SPATS2: variants seen among roughly 807,000 people sequenced by gnomAD.
SPATS2 encodes spermatogenesis associated serine rich 2.
Under a neutral mutation model 63.7 loss-of-function variants are expected in SPATS2, and 38 were observed. The observed-to-expected ratio is 0.60, with a 90% CI of 0.46 to 0.78. The LOEUF is 0.78. Ranked by LOEUF, SPATS2 falls within the 30% of genes least tolerant of loss-of-function variation. The pLI is 0.00. For missense variants in SPATS2, 588 were observed against 666.2 expected (o/e 0.88, Z 1.29); for synonymous variants, 207 against 232.9 (o/e 0.89, Z 1.01).
chr12:49,486,767 C>T (rs1304208255), intron 4 of SPATS2, among the ~76,000 whole-genome samples: 4 of 143,310 alleles, frequency 2.8e-5, no homozygotes, highest in Admixed American at 1.4e-4. Flanking sequence ...GGCGACAGAG[C>T]GAGACTCCGT....
chr12:49,380,167 C>CTTT (rs1307437668), intron 2 of SPATS2, among the ~76,000 whole-genome samples: 6 of 136,524 alleles, frequency 4.4e-5, no homozygotes, highest in African/African-American at 5.4e-5. Context: ...TCCTCTCTCT[C>CTTT]TTTTTTTTTT....
chr12:49,496,392 C>A (rs1294959585), intron 7 of SPATS2, among the ~76,000 whole-genome samples: 3 of 152,198 alleles, frequency 2.0e-5, no homozygotes, highest in Non-Finnish European at 4.4e-5. Flanking sequence ...GGATTACTGG[C>A]GTGAGCCACT....
intron 2 of SPATS2, among the ~76,000 whole-genome samples, chr12:49,389,307 C>T (rs1250011866): frequency 6.6e-6 from 1 of 152,142 alleles, no homozygotes; most frequent in Admixed American, 6.5e-5. Context: ...AGAGGTGTCT[C>T]CCCCGCCGGT....
Position 49,458,411 on chromosome 12 carries a change from C to T in SPATS2, c.-243-2359C>T, listed in dbSNP as rs376918929. On this transcript the variant is annotated intron_variant, in intron 2 of 13. Coordinates refer to ENST00000552918, the MANE Select transcript of SPATS2 (RefSeq NM_023071.4). The stretch of plus-strand genomic sequence containing the variant: ...TGAACCCAGGAGGCAAAGGTTGCAG[C>T]GAGCCAAGATCGCGCCATTGCACTC... 4.7e-4 allele frequency among the ~76,000 whole-genome samples: 72 copies of T among 151,888 alleles called. No individual in the cohort carries two copies. In the South Asian group the frequency reaches 0.012, roughly 26 times the overall value.
chr12:49,409,430 C>T (rs753589227), intron 2 of SPATS2, among the ~76,000 whole-genome samples: 4 of 151,752 alleles, frequency 2.6e-5, no homozygotes, highest in Admixed American at 6.6e-5. Flanking sequence ...TTCAGCCTCC[C>T]GAGTAGTTGG....
At chr12:49,427,643 T>C (rs1038498028) in intron 2 of SPATS2, among the ~76,000 whole-genome samples, 2 of 152,224 alleles carry the variant, frequency 1.3e-5, no homozygotes, top group African/African-American at 4.8e-5. Context: ...CTTTCTGTTA[T>C]GAGAGAATTT....
At chr12:49,409,764 G>C (rs1402871452) in intron 2 of SPATS2, among the ~76,000 whole-genome samples, 1 of 151,556 alleles carries the variant, frequency 6.6e-6, no homozygotes. Context: ...CATGACACCC[G>C]GCTAATTTTT....
At chr12:49,433,397 A>G (rs1945220093) in intron 2 of SPATS2, among the ~76,000 whole-genome samples, 1 of 152,208 alleles carries the variant, frequency 6.6e-6, no homozygotes, top group Non-Finnish European at 1.5e-5. Flanking sequence ...TCCTGACCTC[A>G]AGTGATCTGC....
chr12:49,461,171 C>A, intron 3 of SPATS2, 134 bp downstream of exon 3: 1 of 894,766 alleles, frequency 1.1e-6, no homozygotes, highest in Non-Finnish European at 1.7e-6. Context: ...TAGATTATCG[C>A]TTTGTGTATT....
chr12:49,407,566 C>T (rs1026603981), intron 2 of SPATS2, among the ~76,000 whole-genome samples: 2 of 152,128 alleles, frequency 1.3e-5, no homozygotes, highest in Non-Finnish European at 2.9e-5. Flanking sequence ...AATGCTTTTC[C>T]TATGCAGGTA....
chr12:49,467,035 T>C (rs1398529051), intron 3 of SPATS2, among the ~76,000 whole-genome samples: 2 of 149,356 alleles, frequency 1.3e-5, no homozygotes. Flanking sequence ...GTTAAATAAT[T>C]TGTTCTTTGT....
intron 2 of SPATS2, among the ~76,000 whole-genome samples, chr12:49,427,392 TACAG>T (rs1450373263): frequency 1.3e-5 from 2 of 152,220 alleles, no homozygotes; most frequent in Non-Finnish European, 2.9e-5. Context: ...TTTGCAGCAG[TACAG>T]ACATTTAGTG....
chr12:49,425,139 G>C (rs1313254137), intron 2 of SPATS2, among the ~76,000 whole-genome samples: 2 of 152,050 alleles, frequency 1.3e-5, no homozygotes, highest in African/African-American at 4.8e-5. Context: ...TTTAAGCAGA[G>C]TGAGAACTCT....
chr12:49,517,093 C>T (rs1946863605), intron 10 of SPATS2, among the ~76,000 whole-genome samples: 1 of 152,156 alleles, frequency 6.6e-6, no homozygotes, highest in Non-Finnish European at 1.5e-5. Flanking sequence ...TTTTTATTCA[C>T]CTCATTTTTG....
At chr12:49,437,897 T>A (rs556826598) in intron 2 of SPATS2, among the ~76,000 whole-genome samples, 1 of 152,194 alleles carries the variant, frequency 6.6e-6, no homozygotes, top group Admixed American at 6.5e-5. Flanking sequence ...TGGTTTCTTA[T>A]GTACAAATGA....
chr12:49,428,810 T>G (rs1431243801), intron 2 of SPATS2, among the ~76,000 whole-genome samples: 1 of 152,210 alleles, frequency 6.6e-6, no homozygotes, highest in Non-Finnish European at 1.5e-5. Flanking sequence ...CCTAATTGCC[T>G]GGTTTTGTTT....
chr12:49,514,579 G>T lies in SPATS2; in HGVS notation c.864G>T (p.Leu288Phe). The change falls in exon 10 of 14, where the codon TTG (leucine) becomes TTT (phenylalanine). Residue 288 changes from leucine to phenylalanine, a missense_variant. Transcript: ENST00000552918. ...ESCLMDREVALLAEMDKVKAE... is the reference protein window; with the variant it reads ...ESCLMDREVAFLAEMDKVKAE... Reference sequence around the variant, plus strand: ...GTTTAATGGATCGAGAAGTGGCGTTGCTTGCTGAAATGGACAAAGTGAAAG... The same window carrying T: ...GTTTAATGGATCGAGAAGTGGCGTTTCTTGCTGAAATGGACAAAGTGAAAG... The T allele has an allele frequency of 1.9e-6, 3 of 1,613,302 alleles. No individual in the cohort carries two copies. Among genetic ancestry groups the T allele is most frequent in the Non-Finnish European group, 2.5e-6 (3 of 1,179,650 alleles).
intron 2 of SPATS2, among the ~76,000 whole-genome samples, chr12:49,423,745 AT>A (rs1286153229): frequency 6.6e-6 from 1 of 152,204 alleles, no homozygotes; most frequent in Non-Finnish European, 1.5e-5. Context: ...TCGTACCCAA[AT>A]TCACCTAAAT....
chr12:49,415,534 A>T (rs189238161), intron 2 of SPATS2, among the ~76,000 whole-genome samples: 29 of 152,302 alleles, frequency 1.9e-4, no homozygotes, highest in Admixed American at 1.6e-3. Flanking sequence ...AAACCAGTTG[A>T]TACTTGATAT....
Sources: gnomAD v4.1 joint callset for allele counts (sites outside exome capture counted in the v4.1 genomes callset) on GRCh38, gnomAD v4.1.1 for gene constraint, MANE v1.5 for transcripts, NCBI Gene and HGNC (gene_info 2026-07-23, HGNC 2026-07-21) for gene names.